ATP2B1: variants seen among roughly 807,000 people sequenced by gnomAD.
ATP2B1 encodes the protein ATPase plasma membrane Ca2+ transporting 1.
Under a neutral mutation model 124.2 loss-of-function variants are expected in ATP2B1, and 14 were observed. That is an observed-to-expected ratio of 0.11 (90% CI 0.07 to 0.18). The LOEUF is 0.18. Among genes scored for constraint, ATP2B1 ranks in the 10% least tolerant of loss-of-function variants. The pLI is 1.00. For missense variants in ATP2B1, 763 were observed against 1,466.1 expected, an observed-to-expected ratio of 0.52 and a Z score of 7.83; for synonymous variants, 449 against 492.4, an observed-to-expected ratio of 0.91 and a Z score of 1.17.
intron 18 of ATP2B1, among the ~76,000 whole-genome samples, chr12:89,602,592 A>G (rs1876071795): frequency 6.6e-6 from 1 of 152,178 alleles, no homozygotes. Flanking sequence ...GGATTTTAGT[A>G]GAGATATAAA....
intron 1 of ATP2B1, among the ~76,000 whole-genome samples, chr12:89,689,103 C>T (rs939059309): frequency 4.6e-5 from 7 of 152,026 alleles, no homozygotes; most frequent in Admixed American, 2.0e-4. Context: ...GCTCTTTAGA[C>T]GTTGTTTTCA....
chr12:89,631,649 A>G (rs1467602365), intron 5 of ATP2B1, among the ~76,000 whole-genome samples: 2 of 152,164 alleles, frequency 1.3e-5, no homozygotes, highest in African/African-American at 2.4e-5. Flanking sequence ...GACCGACCCA[A>G]TCTTACAAAC....
chr12:89,609,814 C>G, intron 15 of ATP2B1, 123 bp downstream of exon 15: 1 of 781,132 alleles, frequency 1.3e-6, no homozygotes, highest in Non-Finnish European at 2.0e-6. Flanking sequence ...TATTAATTAT[C>G]CCTCGAACTA....
chr12:89,645,995 G>A (rs1345681980), intron 2 of ATP2B1, among the ~76,000 whole-genome samples: 1 of 152,182 alleles, frequency 6.6e-6, no homozygotes, highest in African/African-American at 2.4e-5. Flanking sequence ...GGAGGCAGAA[G>A]GGGATAAGTG....
At chr12:89,653,990 T>C (rs545405126) in intron 2 of ATP2B1, among the ~76,000 whole-genome samples, 1 of 152,322 alleles carries the variant, frequency 6.6e-6, no homozygotes, top group South Asian at 2.1e-4. Context: ...AACTATGTTG[T>C]TATATTGAGG....
At chr12:89,661,556 G>A (rs1886694704) in intron 1 of ATP2B1, among the ~76,000 whole-genome samples, 1 of 152,114 alleles carries the variant, frequency 6.6e-6, no homozygotes, top group African/African-American at 2.4e-5. Context: ...TTAAATCGCA[G>A]GATAAACAAT....
At chr12:89,622,026 A>C (rs960713306) in intron 9 of ATP2B1, among the ~76,000 whole-genome samples, 3 of 151,976 alleles carry the variant, frequency 2.0e-5, no homozygotes, top group Non-Finnish European at 4.4e-5. Context: ...TTATTGCTGC[A>C]TAACATAACC....
chr12:89,699,486 G>C (rs896813901), intron 1 of ATP2B1, among the ~76,000 whole-genome samples: 2 of 152,160 alleles, frequency 1.3e-5, no homozygotes, highest in Non-Finnish European at 2.9e-5. Context: ...AGAAATAAAT[G>C]GTTGAAAGTT....
At chr12:89,652,648 A>G (rs1013301413) in intron 2 of ATP2B1, among the ~76,000 whole-genome samples, 5 of 152,212 alleles carry the variant, frequency 3.3e-5, no homozygotes, top group African/African-American at 1.2e-4. Flanking sequence ...TTGATCAGTG[A>G]CAAAATGCTT....
chr12:89,627,039 A>T (rs529801558), intron 7 of ATP2B1, among the ~76,000 whole-genome samples: 1 of 152,110 alleles, frequency 6.6e-6, no homozygotes, highest in Non-Finnish European at 1.5e-5. Context: ...TATGCTATAT[A>T]TTTTGTTTCT....
intron 1 of ATP2B1, among the ~76,000 whole-genome samples, chr12:89,701,869 G>A (rs1295101566): frequency 2.6e-5 from 4 of 151,702 alleles, no homozygotes; most frequent in African/African-American, 9.8e-5. Flanking sequence ...TATCAGGTGA[G>A]AGGAAAAACA....
At position 89,655,853 on chromosome 12, in the gene ATP2B1, T is replaced by C. The variant is rs769289945; in HGVS notation, c.34A>G (p.Ser12Gly). The C allele has an allele frequency of 3.7e-6, 6 of 1,609,770 alleles. No homozygotes were observed. Among genetic ancestry groups the C allele is most frequent in the East Asian group, 4.5e-5 (2 of 44,790 alleles). ...TCCTTCAAAGAGTTTTTCACACCAC[T>C]GTAAGCAACTGAGTTGTTTGCCATG... ...GDMANNSVAYSGVKNSLKEAN... is the reference protein window; with the variant it reads ...GDMANNSVAYGGVKNSLKEAN... Residue 12 changes from serine (S) to glycine (G), a missense_variant, in exon 2 of 21, where the codon AGT becomes GGT. Coordinates refer to ENST00000428670, the MANE Select transcript of ATP2B1 (RefSeq NM_001366521.1).
rs1880009161 is a variant in ATP2B1, at chr12:89,621,805, A to AG, written c.1345-15_1345-14insC. The AG allele has an allele frequency of 6.6e-7, 1 of 1,519,124 alleles. No individual in the cohort carries two copies. The highest frequency in any genetic ancestry group is 8.8e-7 in the Non-Finnish European group (1 of 1,137,488). 94.1% of individuals were successfully genotyped at this position (1,519,124 alleles called of 1,614,324 possible). ...TTTCATCATTTTCTACAGTGACCAA[A>AG]AAAAAAAAACTAGTTAAGCTGCATA... On this transcript the variant is annotated splice_polypyrimidine_tract_variant and intron_variant, in intron 9 of 20. Transcript: ENST00000428670.
chr12:89,634,635 T>C, intron 5 of ATP2B1, 143 bp downstream of exon 5: 3 of 872,648 alleles, frequency 3.4e-6, no homozygotes, highest in South Asian at 3.3e-5. Flanking sequence ...CCAAAAAAAG[T>C]CTGCAAGGAT....
At chr12:89,625,826 T>C (rs772812851) in intron 8 of ATP2B1, among the ~76,000 whole-genome samples, 19 of 152,150 alleles carry the variant, frequency 1.2e-4, no homozygotes, top group Non-Finnish European at 2.2e-4. Context: ...ACTTTTTCCA[T>C]CATACTCCTA....
At chr12:89,678,779 C>G (rs1187784260) in intron 1 of ATP2B1, among the ~76,000 whole-genome samples, 1 of 152,150 alleles carries the variant, frequency 6.6e-6, no homozygotes, top group Non-Finnish European at 1.5e-5. Context: ...TTAAACAACT[C>G]TGGAGGGCCA....
rs752708878 is a variant in ATP2B1, at chr12:89,591,123, C to G, written c.3524G>C (p.Arg1175Pro). The part of the protein sequence containing the change: ...TDAEDDAPTK[R>P]NSSPPPSPNK... Reference sequence around the variant, plus strand: ...GGGAGAGGGTGGAGGACTGGAGTTACGTTTTGTAGGAGCATCATCTTCGGC... The same window carrying G: ...GGGAGAGGGTGGAGGACTGGAGTTAGGTTTTGTAGGAGCATCATCTTCGGC... Residue 1175 changes from arginine to proline, a missense_variant, in exon 21 of 21, where the codon CGT becomes CCT. This residue lies in a region of ATP2B1 where 97 missense variants were observed against 94.7 expected (regional missense o/e 1.02). Transcript: ENST00000428670. 1.2e-6 allele frequency: 2 copies of G among 1,613,136 alleles called. No homozygotes were observed. The highest frequency in any genetic ancestry group is 2.2e-5 in the East Asian group (1 of 44,858).
chr12:89,693,193 T>A (rs1890735597), intron 1 of ATP2B1, among the ~76,000 whole-genome samples: 1 of 152,190 alleles, frequency 6.6e-6, no homozygotes, highest in Admixed American at 6.5e-5. Context: ...AAGAACTGAC[T>A]TTTAAAGTGA....
intron 1 of ATP2B1, among the ~76,000 whole-genome samples, chr12:89,685,371 A>C (rs932193229): frequency 5.3e-5 from 8 of 152,122 alleles, no homozygotes; most frequent in African/African-American, 1.9e-4. Flanking sequence ...TCTATTTCCC[A>C]CTGCAATCCC....
Sources: allele counts gnomAD v4.1 joint callset (sites outside exome capture counted in the v4.1 genomes callset), GRCh38; gene constraint gnomAD v4.1.1; regional missense constraint gnomAD v4.1.1; transcripts MANE v1.5; gene names NCBI Gene and HGNC (gene_info 2026-07-23, HGNC 2026-07-21).